The following GALNT17 variants were observed in gnomAD, a reference collection of about 807,000 sequenced individuals.
GALNT17 encodes the protein polypeptide N-acetylgalactosaminyltransferase 17.
Under a neutral mutation model 63.7 loss-of-function variants are expected in GALNT17, and 29 were observed. That is an observed-to-expected ratio of 0.46 (90% CI 0.34 to 0.62). The LOEUF (loss-of-function observed/expected upper bound fraction) is 0.62, where lower values mean the gene tolerates loss of function less well. Ranked by LOEUF, GALNT17 falls within the 20% of genes least tolerant of loss-of-function variation. The pLI is 0.01. For missense variants in GALNT17, 603 were observed against 799.6 expected, an observed-to-expected ratio of 0.75 and a Z score of 2.97; for synonymous variants, 305 against 318.3, an observed-to-expected ratio of 0.96 and a Z score of 0.45.
At chr7:71,233,161 C>T (rs558072007) in intron 1 of GALNT17, among the ~76,000 whole-genome samples, 1 of 152,292 alleles carries the variant, frequency 6.6e-6, no homozygotes, top group African/African-American at 2.4e-5. Context: ...GCCCCACACT[C>T]CTGTTCCTCC....
At chr7:71,321,942 TC>T (rs1791623641) in intron 1 of GALNT17, among the ~76,000 whole-genome samples, 2 of 69,082 alleles carry the variant, frequency 2.9e-5, no homozygotes, top group Admixed American at 3.9e-4. Context: ...CCTCCCTCCC[TC>T]CCTTCCTTCC....
At chr7:71,171,908 A>G (rs1788553298) in intron 1 of GALNT17, among the ~76,000 whole-genome samples, 1 of 152,124 alleles carries the variant, frequency 6.6e-6, no homozygotes, top group Non-Finnish European at 1.5e-5. Flanking sequence ...TTCCTTGACT[A>G]TTTTTGACTT....
chr7:71,681,067 A>G (rs1421055142), intron 9 of GALNT17, among the ~76,000 whole-genome samples: 1 of 151,746 alleles, frequency 6.6e-6, no homozygotes, highest in Non-Finnish European at 1.5e-5. Context: ...GTTCCACTCA[A>G]TTTTCCATTT....
chr7:71,291,188 A>T (rs549354328), intron 1 of GALNT17, among the ~76,000 whole-genome samples: 1 of 152,302 alleles, frequency 6.6e-6, no homozygotes, highest in African/African-American at 2.4e-5. Flanking sequence ...AATTTCCCCA[A>T]CACCTTTTAC....
chr7:71,605,578 C>T (rs867369767), intron 6 of GALNT17, among the ~76,000 whole-genome samples: 1 of 142,500 alleles, frequency 7.0e-6, no homozygotes, highest in South Asian at 2.2e-4. Flanking sequence ...GAGTGAGACT[C>T]CATCTCAAAA....
chr7:71,376,290 G>T (rs1792722634), intron 2 of GALNT17, among the ~76,000 whole-genome samples: 1 of 150,730 alleles, frequency 6.6e-6, no homozygotes, highest in Admixed American at 6.6e-5. Context: ...AACGTAGGCA[G>T]CATTTCCTGT....
chr7:71,606,820 G>T (rs1442372691), intron 6 of GALNT17, among the ~76,000 whole-genome samples: 1 of 152,112 alleles, frequency 6.6e-6, no homozygotes, highest in Non-Finnish European at 1.5e-5. Context: ...CATAATTCTG[G>T]ATCACAGTTC....
chr7:71,561,403 G>A (rs976374518), intron 5 of GALNT17, among the ~76,000 whole-genome samples: 3 of 152,174 alleles, frequency 2.0e-5, no homozygotes, highest in Non-Finnish European at 4.4e-5. Context: ...TACCTTGAGG[G>A]TTGGATTTGC....
At chr7:71,369,658 C>A (rs895902708) in intron 2 of GALNT17, among the ~76,000 whole-genome samples, 3 of 151,848 alleles carry the variant, frequency 2.0e-5, no homozygotes, top group Admixed American at 6.6e-5. Context: ...ACTAAAAATA[C>A]AACAGTTAGC....
chr7:71,499,378 T>C (rs1412304132), intron 5 of GALNT17, among the ~76,000 whole-genome samples: 3 of 152,110 alleles, frequency 2.0e-5, no homozygotes, highest in African/African-American at 7.2e-5. Context: ...CTGGGCAACA[T>C]AGCGAGACCT....
chr7:71,671,595 C>A (rs1421057174), intron 8 of GALNT17, among the ~76,000 whole-genome samples: 2 of 152,156 alleles, frequency 1.3e-5, no homozygotes, highest in African/African-American at 2.4e-5. Context: ...GGGTTCAAAT[C>A]CTAGTAGGCT....
chr7:71,160,489 G>A (rs576720802), intron 1 of GALNT17, among the ~76,000 whole-genome samples: 7 of 151,896 alleles, frequency 4.6e-5, no homozygotes, highest in Admixed American at 1.3e-4. Flanking sequence ...ACTGAGTTTC[G>A]CTCTTGTTGC....
At chr7:71,310,332 C>G (rs1044710770) in intron 1 of GALNT17, among the ~76,000 whole-genome samples, 2 of 152,200 alleles carry the variant, frequency 1.3e-5, no homozygotes, top group African/African-American at 4.8e-5. Flanking sequence ...AAAGGATTCC[C>G]TAAATCATAT....
intron 8 of GALNT17, among the ~76,000 whole-genome samples, chr7:71,676,767 C>T (rs1158930269): frequency 2.6e-5 from 4 of 152,116 alleles, no homozygotes; most frequent in African/African-American, 7.2e-5. Context: ...AAACCAATGT[C>T]GGTGCTGAGG....
chr7:71,597,630 G>T (rs1393520112), intron 6 of GALNT17, among the ~76,000 whole-genome samples: 1 of 152,208 alleles, frequency 6.6e-6, no homozygotes, highest in African/African-American at 2.4e-5. Flanking sequence ...AGGGCAGCTG[G>T]CCTAGAGGCG....
intron 1 of GALNT17, among the ~76,000 whole-genome samples, chr7:71,138,969 G>C: frequency 6.6e-6 from 1 of 151,972 alleles, no homozygotes; most frequent in East Asian, 1.9e-4. Context: ...AACAAGATTT[G>C]GTCTCAAATA....
chr7:71,408,389 C>T (rs920723026), intron 3 of GALNT17, among the ~76,000 whole-genome samples: 8 of 152,114 alleles, frequency 5.3e-5, no homozygotes, highest in Admixed American at 1.3e-4. Flanking sequence ...TGGTGATAAG[C>T]GTGGCAGTGG....
rs1554362119 is a variant in GALNT17 at position 71,377,114 on chromosome 7, AAT to A, written c.423-11095_423-11094del. 1.3e-3 allele frequency among the ~76,000 whole-genome samples: 74 copies of A among 57,432 alleles called. 4 individuals are homozygous for A. The highest frequency in any genetic ancestry group is 3.9e-3 in the African/African-American group (42 of 10,668). The allele number at this position is 57,432 out of a possible 152,430, so 37.7% of individuals were successfully genotyped here. A position where few individuals can be genotyped will look rare whatever the true frequency, so the allele number is the denominator to read the frequency against. On this transcript the variant is annotated intron_variant, in intron 2 of 10. Transcript: ENST00000333538. ...AAAAAAAAAAAATAAAAATAAAAAA[AAT>A]ATATATATATATATATATATATATA...
intron 1 of GALNT17, among the ~76,000 whole-genome samples, chr7:71,171,166 A>G (rs1056720776): frequency 6.6e-6 from 1 of 152,204 alleles, no homozygotes; most frequent in African/African-American, 2.4e-5. Flanking sequence ...GGATGTGCTC[A>G]ATATCAGTGT....
Sources: gnomAD v4.1 joint callset for allele counts (sites outside exome capture counted in the v4.1 genomes callset) on GRCh38, gnomAD v4.1.1 for gene constraint, MANE v1.5 for transcripts, NCBI Gene and HGNC (gene_info 2026-07-23, HGNC 2026-07-21) for gene names.